Variants in TNNI3K observed in about 807,000 individuals in gnomAD.
TNNI3K encodes serine/threonine-protein kinase TNNI3K.
In TNNI3K, 140 loss-of-function variants were observed where a neutral mutation model predicts 114.5. The ratio of observed to expected loss-of-function variants is 1.22; its 90% CI spans 1.07 to 1.41. The LOEUF (loss-of-function observed/expected upper bound fraction) is 1.41. Among genes scored for constraint, TNNI3K ranks in the 40% most tolerant of loss-of-function variants. TNNI3K has a pLI of 0.00. For missense variants in TNNI3K, 1,125 were observed against 1,007.6 expected, an observed-to-expected ratio of 1.12 and a Z score of -1.58; for synonymous variants, 347 against 347.5, an observed-to-expected ratio of 1.00 and a Z score of 0.02.
At chr1:74,248,853 T>A (rs773449017) in intron 2 of TNNI3K, among the ~76,000 whole-genome samples, 2 of 152,184 alleles carry the variant, frequency 1.3e-5, no homozygotes, top group Non-Finnish European at 2.9e-5. Flanking sequence ...GGCTCTTATG[T>A]CTTGTATCTC....
chr1:74,451,011 A>C (rs978915925), intron 20 of TNNI3K, among the ~76,000 whole-genome samples: 4 of 152,224 alleles, frequency 2.6e-5, no homozygotes, highest in African/African-American at 9.7e-5. Context: ...AATGCCCATC[A>C]ATTATAGATT....
intron 22 of TNNI3K, among the ~76,000 whole-genome samples, chr1:74,490,347 A>G (rs2100297935): frequency 6.6e-6 from 1 of 152,306 alleles, no homozygotes; most frequent in South Asian, 2.1e-4. Flanking sequence ...GGGTATTAAG[A>G]GACACCTTCA....
intron 24 of TNNI3K, among the ~76,000 whole-genome samples, chr1:74,543,456 G>T (rs781141331): frequency 6.6e-6 from 1 of 152,088 alleles, no homozygotes; most frequent in East Asian, 1.9e-4. Flanking sequence ...TGTCTTAGGT[G>T]CATTGCCAAC....
intron 17 of TNNI3K, among the ~76,000 whole-genome samples, chr1:74,417,828 C>G (rs1156534723): frequency 6.6e-6 from 1 of 151,566 alleles, no homozygotes; most frequent in African/African-American, 2.4e-5. Context: ...TAGGAGAATA[C>G]TATGTGTACT....
At chr1:74,460,327 A>G (rs1019000199) in intron 20 of TNNI3K, among the ~76,000 whole-genome samples, 1 of 152,112 alleles carries the variant, frequency 6.6e-6, no homozygotes, top group Non-Finnish European at 1.5e-5. Context: ...CGGCCTCCCA[A>G]AGTGCTGGGA....
chr1:74,498,725 CT>C (rs201827923), intron 23 of TNNI3K, among the ~76,000 whole-genome samples: 1 of 152,042 alleles, frequency 6.6e-6, no homozygotes, highest in African/African-American at 2.4e-5. Flanking sequence ...CTTTTCCAGT[CT>C]TCCCCCCGAC....
intron 7 of TNNI3K, 84 bp downstream of exon 7, chr1:74,336,233 C>T: frequency 6.8e-7 from 1 of 1,472,298 alleles, no homozygotes; most frequent in Non-Finnish European, 8.9e-7. Context: ...AGAGAATAAT[C>T]TTGAAGTTGA....
At chr1:74,257,663 CTTT>C (rs66853287) in intron 4 of TNNI3K, among the ~76,000 whole-genome samples, 115 of 87,266 alleles carry the variant, frequency 1.3e-3, no homozygotes, top group African/African-American at 6.0e-3. Flanking sequence ...TGGCTTACCT[CTTT>C]TTTTTTTTTT....
intron 17 of TNNI3K, among the ~76,000 whole-genome samples, chr1:74,376,314 A>G (rs1486554224): frequency 6.6e-6 from 1 of 152,008 alleles, no homozygotes; most frequent in Non-Finnish European, 1.5e-5. Context: ...ACAAATTGTT[A>G]ATTTTCTAAT....
At chr1:74,457,563 G>A (rs1667277480) in intron 20 of TNNI3K, among the ~76,000 whole-genome samples, 1 of 152,126 alleles carries the variant, frequency 6.6e-6, no homozygotes, top group South Asian at 2.1e-4. Flanking sequence ...CAATGAAGTA[G>A]AATCAATTAT....
At chr1:74,489,057 G>A in intron 21 of TNNI3K, 132 bp from the exon 22 acceptor site, 1 of 678,252 alleles carries the variant, frequency 1.5e-6, no homozygotes, top group Non-Finnish European at 2.3e-6. Flanking sequence ...TTCAATAAAA[G>A]TGTATTTTAA....
chr1:74,385,500 G>T (rs1663426458), intron 17 of TNNI3K, among the ~76,000 whole-genome samples: 1 of 152,068 alleles, frequency 6.6e-6, no homozygotes, highest in South Asian at 2.1e-4. Context: ...ATGAACAAAG[G>T]TATTTGTCCT....
chr1:74,435,532 C>A (rs1464099958), intron 17 of TNNI3K, among the ~76,000 whole-genome samples: 1 of 151,952 alleles, frequency 6.6e-6, no homozygotes, highest in Non-Finnish European at 1.5e-5. Context: ...TCCTCAAAAC[C>A]TTAAAAAGTG....
chr1:74,451,499 T>A (rs951618306), intron 20 of TNNI3K, among the ~76,000 whole-genome samples: 1 of 151,906 alleles, frequency 6.6e-6, no homozygotes, highest in African/African-American at 2.4e-5. Flanking sequence ...ACTTACTAAA[T>A]TTACTTCTCC....
chr1:74,408,372 T>C (rs1019117521), intron 17 of TNNI3K, among the ~76,000 whole-genome samples: 1 of 152,222 alleles, frequency 6.6e-6, no homozygotes, highest in Non-Finnish European at 1.5e-5. Context: ...TGCTTTCTTC[T>C]ATAAAAACTG....
intron 17 of TNNI3K, chr1:74,418,473 A>G (rs1432072943): frequency 1.3e-5 from 2 of 155,734 alleles, no homozygotes; most frequent in Non-Finnish European, 2.8e-5. Flanking sequence ...TCAAAAACTT[A>G]TTTGAGGTGA....
intron 5 of TNNI3K, among the ~76,000 whole-genome samples, chr1:74,291,946 A>G (rs1314584882): frequency 5.3e-5 from 8 of 151,498 alleles, no homozygotes; most frequent in Non-Finnish European, 1.0e-4. Context: ...TCTGTCATAT[A>G]TCAAGTGTCC....
In TNNI3K at chr1:74,436,665, A is replaced by G. The variant is rs552487426; in HGVS notation, c.1878+139A>G. The G allele has an allele frequency of 6.7e-5, 54 of 809,124 alleles. No homozygotes were observed. The South Asian group carries it at 1.2e-3, about 17-fold the overall frequency. The allele number at this position is 809,124 out of a possible 1,614,324, so 50.1% of individuals were successfully genotyped here. A position where few individuals can be genotyped will look rare whatever the true frequency, so the allele number is the denominator to read the frequency against. ...TGTTGGGATAATGGCTTATGTCTTT[A>G]TTTTTAGTAAGCTGTCAAAATAACT... On this transcript the variant is annotated intron_variant, in intron 19 of 24. Transcript: ENST00000326637.
chr1:74,400,634 A>G (rs1664311289), intron 17 of TNNI3K, among the ~76,000 whole-genome samples: 1 of 152,190 alleles, frequency 6.6e-6, no homozygotes, highest in African/African-American at 2.4e-5. Context: ...CAGACCCTAC[A>G]GCAATTCCCT....
Sources: allele counts gnomAD v4.1 joint callset (sites outside exome capture counted in the v4.1 genomes callset), GRCh38; gene constraint gnomAD v4.1.1; transcripts MANE v1.5; gene names NCBI Gene and HGNC (gene_info 2026-07-23, HGNC 2026-07-21).